Variants in DSC3 observed in about 807,000 individuals in gnomAD.
The protein encoded by DSC3 is desmocollin 3.
In DSC3, 97 loss-of-function variants were observed where a neutral mutation model predicts 89.5. The ratio of observed to expected loss-of-function variants is 1.08; its 90% CI spans 0.92 to 1.28. The LOEUF is 1.28. Among genes scored for constraint, DSC3 ranks in the 50% most tolerant of loss-of-function variants. The pLI is 0.00. For missense variants in DSC3, 1,199 were observed against 1,085.3 expected, an observed-to-expected ratio of 1.10 and a Z score of -1.47; for synonymous variants, 436 against 384.1, an observed-to-expected ratio of 1.14 and a Z score of -1.58.
chr18:31,012,856 G>GA (rs1272863472), intron 9 of DSC3, among the ~76,000 whole-genome samples: 2 of 152,044 alleles, frequency 1.3e-5, no homozygotes, highest in African/African-American at 4.8e-5. Context: ...CAAAACAGCT[G>GA]AAAAAAATGA....
Position 30,997,445 on chromosome 18 carries a change from C to A in DSC3, c.2236-397G>T, listed in dbSNP as rs541033007. Among the ~76,000 whole-genome samples the A allele has an allele frequency of 5.9e-5, 9 of 152,172 alleles. No individual in the cohort carries two copies. In the South Asian group the frequency reaches 1.9e-3, roughly 32 times the overall value. On this transcript the variant is annotated intron_variant, in intron 14 of 15. Transcript: ENST00000360428. ...TGAACTTGCTTTTACAATAAGCTTTCATGATAATAAACCCATTCTCATGAT... is the reference window on the plus strand; with the variant it reads ...TGAACTTGCTTTTACAATAAGCTTTAATGATAATAAACCCATTCTCATGAT...
At chr18:30,996,692 C>T in intron 15 of DSC3, 99 bp downstream of exon 15, 2 of 1,438,724 alleles carry the variant, frequency 1.4e-6, no homozygotes, top group Non-Finnish European at 1.9e-6. Flanking sequence ...CAAGAGAGAG[C>T]CCACAGAAAA....
chr18:31,018,740 AT>A lies in DSC3; in HGVS notation c.1002del (p.Leu335Ter). The A allele has an allele frequency of 1.2e-6, 2 of 1,613,880 alleles. No individual in the cohort carries two copies. The highest frequency in any genetic ancestry group is 2.2e-5 in the South Asian group (2 of 91,084). On this transcript the variant is annotated frameshift_variant, in exon 8 of 16. Coordinates refer to ENST00000360428, the MANE Select transcript of DSC3 (RefSeq NM_001941.5). LOFTEE classifies it high-confidence loss of function. ...ATGATACAAGTTGATGTGCCTATCA[AT>A]CCAAAAAACTGGCCATCCATGTCTT... ...KVQDMDGQFFGLIGTSTCIIT... is the reference protein window; with the variant it reads ...KVQDMDGQFFXLIGTSTCIIT...
intron 9 of DSC3, among the ~76,000 whole-genome samples, chr18:31,011,599 T>G (rs772538297): frequency 6.6e-5 from 10 of 152,186 alleles, no homozygotes; most frequent in Non-Finnish European, 1.3e-4. Flanking sequence ...AGGTTAGTCA[T>G]CATTAGGTAC....
At chr18:31,027,460 T>C (rs1026560772) in intron 4 of DSC3, among the ~76,000 whole-genome samples, 1 of 106,602 alleles carries the variant, frequency 9.4e-6, no homozygotes, top group Non-Finnish European at 2.0e-5. Context: ...TTCAGATGCA[T>C]TGGTTTCCTT....
chr18:31,025,482 A>C (rs1457166328), intron 5 of DSC3, among the ~76,000 whole-genome samples: 1 of 152,152 alleles, frequency 6.6e-6, no homozygotes. Context: ...TCTCATAAGC[A>C]AAACCAACTT....
intron 13 of DSC3, among the ~76,000 whole-genome samples, 164 bp from the exon 14 acceptor site, chr18:31,001,903 G>A (rs1163741372): frequency 6.6e-6 from 1 of 152,090 alleles, no homozygotes; most frequent in Non-Finnish European, 1.5e-5. Flanking sequence ...TCACCAGATA[G>A]CTTAGGTTTT....
At chr18:31,010,127 A>T (rs1169146620) in intron 9 of DSC3, among the ~76,000 whole-genome samples, 1 of 152,252 alleles carries the variant, frequency 6.6e-6, no homozygotes, top group Non-Finnish European at 1.5e-5. Context: ...ACACCTAGGT[A>T]TTAACAGAGT....
At chr18:31,026,049 C>T (rs1397794052) in intron 4 of DSC3, 134 bp from the exon 5 acceptor site, 2 of 914,360 alleles carry the variant, frequency 2.2e-6, no homozygotes, top group Non-Finnish European at 3.3e-6. Context: ...CAATAATAAC[C>T]ATTGTTGGCA....
intron 15 of DSC3, among the ~76,000 whole-genome samples, chr18:30,995,854 C>T (rs1412227676): frequency 6.6e-6 from 1 of 151,156 alleles, no homozygotes; most frequent in East Asian, 2.0e-4. Flanking sequence ...TACCTGTAGT[C>T]CAAGCTACTC....
chr18:31,010,458 C>A (rs1985020900), intron 9 of DSC3, among the ~76,000 whole-genome samples: 1 of 152,070 alleles, frequency 6.6e-6, no homozygotes, highest in African/African-American at 2.4e-5. Flanking sequence ...GTTTCTTTGT[C>A]CCATTTTTCG....
rs1985772570 is a variant in DSC3 at position 31,031,063 on chromosome 18, A to G, written c.264T>C (p.Ser88=). The G allele has an allele frequency of 1.2e-6, 2 of 1,613,984 alleles. No homozygotes were observed. The highest frequency in any genetic ancestry group is 8.5e-7 in the Non-Finnish European group (1 of 1,179,994). ...ATATGGTAAATGATCTTTTCTTATCAGACAGCGCAACAGCCCTGGCTGTGT... is the reference window on the plus strand; with the variant it reads ...ATATGGTAAATGATCTTTTCTTATCGGACAGCGCAACAGCCCTGGCTGTGT... ...SVYTARAVAL[S]DKKRSFTIWL... is the part of the protein sequence containing the mutation. The change falls in exon 3 of 16, where the codon TCT becomes TCC. Residue 88 remains serine (S), a synonymous_variant. Coordinates refer to ENST00000360428, the MANE Select transcript of DSC3 (RefSeq NM_001941.5).
chr18:31,038,178 A>T (rs1986030186), intron 1 of DSC3, among the ~76,000 whole-genome samples: 1 of 152,212 alleles, frequency 6.6e-6, no homozygotes, highest in African/African-American at 2.4e-5. Context: ...AAGTGAGATC[A>T]GGCTACTATT....
At chr18:31,007,264 A>G in intron 11 of DSC3, 133 bp from the exon 12 acceptor site, 1 of 664,102 alleles carries the variant, frequency 1.5e-6, no homozygotes, top group South Asian at 2.0e-5. Flanking sequence ...TGATAAATAA[A>G]TAAGAACATA....
chr18:31,004,702 C>T (rs1398995648), intron 12 of DSC3, among the ~76,000 whole-genome samples: 1 of 149,198 alleles, frequency 6.7e-6, no homozygotes, highest in African/African-American at 2.5e-5. Flanking sequence ...AATGTATCTA[C>T]AGGTACACAC....
chr18:31,023,500 A>AT (rs952560725), intron 6 of DSC3, among the ~76,000 whole-genome samples: 14 of 152,124 alleles, frequency 9.2e-5, no homozygotes, highest in Non-Finnish European at 2.1e-4. Flanking sequence ...CAAACCAATA[A>AT]TTTTTTTAAA....
At chr18:31,030,945 CT>C in intron 3 of DSC3, 27 bp downstream of exon 3, 2 of 1,595,180 alleles carry the variant, frequency 1.3e-6, no homozygotes, top group Non-Finnish European at 1.7e-6. Flanking sequence ...GAAAAAATGA[CT>C]GAAAATATTT....
intron 9 of DSC3, among the ~76,000 whole-genome samples, chr18:31,009,042 T>A (rs976756849): frequency 1.1e-4 from 17 of 152,102 alleles, no homozygotes; most frequent in African/African-American, 4.1e-4. Flanking sequence ...TCCAGTATTT[T>A]ATTTTCTTTT....
In DSC3 at chr18:30,990,738, G is replaced by T. The variant is rs1288210398; in HGVS notation, c.*3437C>A. ...TCCCTTGACTACACTGGTCCTCAAA[G>T]TAAAACCCCTGTGTCAGTGTACTAT... On this transcript the variant is annotated 3_prime_UTR_variant, in exon 16 of 16. Coordinates refer to ENST00000360428, the MANE Select transcript of DSC3 (RefSeq NM_001941.5). 1 of 152,088 alleles carries T rather than the reference G, an allele frequency of 6.6e-6. No homozygotes were observed. Among genetic ancestry groups the T allele is most frequent in the Non-Finnish European group, 1.5e-5 (1 of 68,014 alleles). The allele number at this position is 152,088 out of a possible 1,614,324, so 9.4% of individuals were successfully genotyped here.
Sources: gnomAD v4.1 joint callset for allele counts (sites outside exome capture counted in the v4.1 genomes callset) on GRCh38, gnomAD v4.1.1 for gene constraint, MANE v1.5 for transcripts, NCBI Gene and HGNC (gene_info 2026-07-23, HGNC 2026-07-21) for gene names.